The following ZPBP variants were observed in gnomAD, a reference collection of about 807,000 sequenced individuals.
ZPBP encodes zona pellucida binding protein.
Under a neutral mutation model 44.8 loss-of-function variants are expected in ZPBP, and 26 were observed. The ratio of observed to expected loss-of-function variants is 0.58; its 90% CI spans 0.43 to 0.81. The LOEUF (loss-of-function observed/expected upper bound fraction) is 0.81, where lower values mean the gene tolerates loss of function less well. Among genes scored for constraint, ZPBP ranks in the 30% least tolerant of loss-of-function variants. The pLI is 0.00. For missense variants in ZPBP, 409 were observed against 434.0 expected (o/e 0.94, Z 0.51); for synonymous variants, 174 against 153.2 (o/e 1.14, Z -1.00).
chr7:49,892,031 A>ATTTTT (rs536880676), intron 2 of ZPBP, among the ~76,000 whole-genome samples: 7 of 53,290 alleles, frequency 1.3e-4, no homozygotes, highest in Middle Eastern at 0.021. Flanking sequence ...GACAAAGTAG[A>ATTTTT]TTTTTTTTTT....
At chr7:50,052,835 TC>T (rs1307595626) in intron 4 of ZPBP, among the ~76,000 whole-genome samples, 1 of 152,100 alleles carries the variant, frequency 6.6e-6, no homozygotes, top group African/African-American at 2.4e-5. Context: ...AAAAAGTCAA[TC>T]CCCTAAGATT....
chr7:49,983,749 G>T (rs1797131193), intron 6 of ZPBP, among the ~76,000 whole-genome samples: 1 of 151,946 alleles, frequency 6.6e-6, no homozygotes, highest in African/African-American at 2.4e-5. Flanking sequence ...ATCATTTGAA[G>T]ATTTCTTTTT....
At chr7:50,034,889 G>A (rs976866420) in intron 4 of ZPBP, among the ~76,000 whole-genome samples, 1 of 152,196 alleles carries the variant, frequency 6.6e-6, no homozygotes, top group South Asian at 2.1e-4. Flanking sequence ...AGCTGTAAAA[G>A]GGGGACTGAA....
chr7:49,889,781 C>A (rs1027634430), intron 2 of ZPBP, among the ~76,000 whole-genome samples: 1 of 152,130 alleles, frequency 6.6e-6, no homozygotes, highest in Admixed American at 6.5e-5. Flanking sequence ...TGAATATATT[C>A]TATTTGAATT....
chr7:50,023,353 T>C (rs552683719), intron 5 of ZPBP, among the ~76,000 whole-genome samples: 132 of 152,136 alleles, frequency 8.7e-4, no homozygotes, highest in African/African-American at 3.0e-3. Context: ...TTCCGTATAA[T>C]GCCATGGTGT....
At chr7:49,925,408 A>G (rs560453968) in intron 1 of ZPBP, among the ~76,000 whole-genome samples, 1 of 152,220 alleles carries the variant, frequency 6.6e-6, no homozygotes, top group East Asian at 1.9e-4. Flanking sequence ...GATAGGTTAG[A>G]CATTGAGAGG....
chr7:49,869,818 G>GT (rs60938061), intron 2 of ZPBP, among the ~76,000 whole-genome samples: 2,597 of 152,142 alleles, frequency 0.017, 38 homozygotes, highest in Admixed American at 0.037. Context: ...GTACATATAT[G>GT]TTTTTTCATA....
chr7:49,882,524 C>T (rs1035701393), intron 2 of ZPBP, among the ~76,000 whole-genome samples: 3 of 151,602 alleles, frequency 2.0e-5, no homozygotes, highest in Non-Finnish European at 4.4e-5. Flanking sequence ...AAAAGAGAGA[C>T]AGAGGGACAC....
At chr7:50,083,271 T>C (rs1251082255) in intron 2 of ZPBP, among the ~76,000 whole-genome samples, 4 of 151,922 alleles carry the variant, frequency 2.6e-5, no homozygotes, top group South Asian at 2.1e-4. Flanking sequence ...AACCATTTTA[T>C]AGGAAGGAAG....
chr7:50,044,617 G>A (rs536193215), intron 4 of ZPBP, among the ~76,000 whole-genome samples: 1 of 152,190 alleles, frequency 6.6e-6, no homozygotes, highest in Admixed American at 6.5e-5. Context: ...GACTAAACCA[G>A]GAAGAAATAA....
chr7:49,847,643 A>T (rs1789995235), downstream of ZPBP, among the ~76,000 whole-genome samples: 1 of 152,252 alleles, frequency 6.6e-6, no homozygotes, highest in Non-Finnish European at 1.5e-5. Flanking sequence ...GGCCTGGGTC[A>T]GGAGGCAGAA....
intron 6 of ZPBP, among the ~76,000 whole-genome samples, chr7:50,006,938 A>C (rs932517921): frequency 5.9e-5 from 9 of 152,006 alleles, no homozygotes; most frequent in Non-Finnish European, 1.3e-4. Context: ...TGTGTCCCCC[A>C]AAAATTCATA....
At chr7:49,847,960 C>T (rs542046176), downstream of ZPBP, among the ~76,000 whole-genome samples, 10 of 152,284 alleles carry the variant, frequency 6.6e-5, 1 homozygote, top group South Asian at 1.0e-3. Flanking sequence ...GTCCCTCCAA[C>T]GTCAGCAAGG....
At chr7:49,961,465 A>AG (rs1481987910) in intron 7 of ZPBP, among the ~76,000 whole-genome samples, 1 of 152,164 alleles carries the variant, frequency 6.6e-6, no homozygotes, top group Non-Finnish European at 1.5e-5. Context: ...TTGAGAGGTC[A>AG]GCTAGATTAA....
chr7:50,075,869 TAGA>T (rs1176965757), intron 3 of ZPBP, among the ~76,000 whole-genome samples: 4 of 151,750 alleles, frequency 2.6e-5, no homozygotes, highest in Admixed American at 1.3e-4. Context: ...TTCTGAAAAA[TAGA>T]AGAAGAGGGA....
chr7:49,951,535 T>G (rs1795343635), intron 7 of ZPBP, among the ~76,000 whole-genome samples: 1 of 150,626 alleles, frequency 6.6e-6, no homozygotes, highest in Non-Finnish European at 1.5e-5. Flanking sequence ...CTAGAATGGT[T>G]AAACTTTTTT....
chr7:49,980,015 TAATATAATTTTATATTATATTATAATATA>T (rs1796724057), intron 7 of ZPBP, among the ~76,000 whole-genome samples: 1 of 13,538 alleles, frequency 7.4e-5, no homozygotes, highest in East Asian at 2.6e-3. Context: ...ATATATATTA[TAATATAATTTTATATTATATTATAATATA>T]TATAATATAA....
chr7:49,867,418 A>G lies in ZPBP; in HGVS notation n.510-16904T>C, dbSNP rs1790944008. Among the ~76,000 whole-genome samples the G allele has an allele frequency of 3.3e-5, 5 of 152,230 alleles. No homozygotes were observed. In the South Asian group the frequency reaches 6.2e-4, roughly 19 times the overall value. ...CAGATCTGGAGGACGAAGTAAGGGA[A>G]GGAGTACAGGTCAACTGAGAGGCGG... is the stretch of plus-strand genomic sequence containing the variant. On this transcript the variant is annotated intron_variant and non_coding_transcript_variant, in intron 2 of 2. Transcript: ENST00000465922.
intron 7 of ZPBP, chr7:49,940,599 C>T (rs1794832636): frequency 4.6e-6 from 1 of 218,200 alleles, no homozygotes; most frequent in Non-Finnish European, 7.7e-6. Context: ...GCTAAAATAA[C>T]TTTACAAGAG....
Sources: gnomAD v4.1 joint callset for allele counts (sites outside exome capture counted in the v4.1 genomes callset) on GRCh38, gnomAD v4.1.1 for gene constraint, MANE v1.5 for transcripts, NCBI Gene and HGNC (gene_info 2026-07-23, HGNC 2026-07-21) for gene names.